The following CRYBB2 variants were observed in gnomAD, a reference collection of about 807,000 sequenced individuals.
The protein encoded by CRYBB2 is crystallin beta B2.
Under a neutral mutation model 24.3 loss-of-function variants are expected in CRYBB2, and 12 were observed. The observed-to-expected ratio is 0.49, with a 90% CI of 0.32 to 0.80. The LOEUF (loss-of-function observed/expected upper bound fraction) is 0.80. Among genes scored for constraint, CRYBB2 ranks in the 30% least tolerant of loss-of-function variants. CRYBB2 has a pLI of 0.04. For synonymous variants in CRYBB2, 98 were observed against 101.6 expected, an observed-to-expected ratio of 0.96 and a Z score of 0.21; for missense variants, 198 against 268.5, an observed-to-expected ratio of 0.74 and a Z score of 1.83.
At chr22:25,214,759 G>T (rs1935146042), upstream of CRYBB2, among the ~76,000 whole-genome samples, 1 of 152,206 alleles carries the variant, frequency 6.6e-6, no homozygotes, top group Admixed American at 6.5e-5. Flanking sequence ...GTGGGAAACT[G>T]AGGTAAGAGA....
At chr22:25,228,761 T>G (rs931185327) in intron 4 of CRYBB2, among the ~76,000 whole-genome samples, 1 of 152,236 alleles carries the variant, frequency 6.6e-6, no homozygotes, top group African/African-American at 2.4e-5. Context: ...AAGAGGATTT[T>G]ATGTCTGAGG....
intron 3 of CRYBB2, among the ~76,000 whole-genome samples, chr22:25,225,455 G>A (rs938080204): frequency 6.6e-6 from 1 of 152,130 alleles, no homozygotes; most frequent in African/African-American, 2.4e-5. Flanking sequence ...GAGGTTTAAG[G>A]CTGGATGTTC....
At chr22:25,217,977 A>C (rs1480277985), upstream of CRYBB2, among the ~76,000 whole-genome samples, 1 of 151,994 alleles carries the variant, frequency 6.6e-6, no homozygotes, top group Non-Finnish European at 1.5e-5. Flanking sequence ...ACATGAGTAA[A>C]GGCCGGGCGC....
At chr22:25,222,248 C>T (rs1027344975) in intron 2 of CRYBB2, among the ~76,000 whole-genome samples, 1 of 152,234 alleles carries the variant, frequency 6.6e-6, no homozygotes, top group East Asian at 1.9e-4. Flanking sequence ...CAGCCCCTCA[C>T]CTGCTCACCC....
At chr22:25,219,399 T>C (rs2146085734), upstream of CRYBB2, 1 of 152,404 alleles carries the variant, frequency 6.6e-6, no homozygotes, top group South Asian at 2.1e-4. Context: ...GGACGGCTGA[T>C]GCATGCAAAG....
At chr22:25,228,750 T>C (rs1935468777) in intron 4 of CRYBB2, among the ~76,000 whole-genome samples, 1 of 152,214 alleles carries the variant, frequency 6.6e-6, no homozygotes, top group South Asian at 2.1e-4. Flanking sequence ...CTAAATGGCA[T>C]AAGAGGATTT....
chr22:25,221,588 A>T, intron 2 of CRYBB2, 105 bp downstream of exon 2: 1 of 808,546 alleles, frequency 1.2e-6, no homozygotes, highest in Non-Finnish European at 2.1e-6. Flanking sequence ...CCCCCTCTCG[A>T]CCCCTGCCCC....
intron 2 of CRYBB2, among the ~76,000 whole-genome samples, chr22:25,222,027 C>A (rs1368381651): frequency 1.3e-5 from 2 of 152,234 alleles, no homozygotes; most frequent in Admixed American, 6.5e-5. Context: ...CCTTTGATTT[C>A]TCATCCACCT....
chr22:25,214,973 C>T (rs1222980152), upstream of CRYBB2, among the ~76,000 whole-genome samples: 2 of 152,276 alleles, frequency 1.3e-5, no homozygotes. Context: ...AAAACCCTGA[C>T]TGCTTCCTCA....
In CRYBB2 at chr22:25,231,598, C is replaced by T. The variant is rs372020060; in HGVS notation, c.450-6C>T. 1.9e-6 allele frequency: 3 copies of T among 1,614,004 alleles called. No homozygotes were observed. The highest frequency in any genetic ancestry group is 2.7e-5 in the African/African-American group (2 of 74,934). On this transcript the variant is annotated splice_polypyrimidine_tract_variant and splice_region_variant and intron_variant, in intron 5 of 5. Transcript: ENST00000398215. ...GTTCACCCTCCCATCACCTCTGGCC[C>T]TGCAGGTGGGTTGGCTACCAGTACC...
At chr22:25,218,176 G>C (rs78737830), upstream of CRYBB2, among the ~76,000 whole-genome samples, 5 of 151,896 alleles carry the variant, frequency 3.3e-5, no homozygotes, top group Admixed American at 2.0e-4. Context: ...GGAGAATGGT[G>C]TGAACACGGG....
chr22:25,213,487 G>T (rs999928007), intron 1 of CRYBB2: 1 of 152,220 alleles, frequency 6.6e-6, no homozygotes, highest in Non-Finnish European at 1.5e-5. Context: ...TGGTCAGCGG[G>T]GGGCTTTTCT....
upstream of CRYBB2, among the ~76,000 whole-genome samples, chr22:25,215,148 AGC>A (rs1312031969): frequency 6.6e-6 from 1 of 152,250 alleles, no homozygotes; most frequent in East Asian, 1.9e-4. Flanking sequence ...ACTGGCCATA[AGC>A]AAAATCTCTG....
upstream of CRYBB2, among the ~76,000 whole-genome samples, chr22:25,218,771 GAGAGAGAGAAGAAAGAAAGAAAGAAAGA>G (rs1935247341): frequency 5.7e-5 from 1 of 17,598 alleles, no homozygotes; most frequent in African/African-American, 3.1e-4. Context: ...GAGAGAGAGA[GAGAGAGAGAAGAAAGAAAGAAAGAAAGA>G]AAGAAAGAAA....
At chr22:25,214,173 T>TA (rs1275981944) in intron 1 of CRYBB2, among the ~76,000 whole-genome samples, 5 of 152,084 alleles carry the variant, frequency 3.3e-5, no homozygotes, top group Admixed American at 6.6e-5. Context: ...ACCCTATCCC[T>TA]AAAAAATTTT....
At chr22:25,217,118 A>G (rs567832795), upstream of CRYBB2, among the ~76,000 whole-genome samples, 22 of 151,428 alleles carry the variant, frequency 1.5e-4, no homozygotes, top group African/African-American at 5.3e-4. Context: ...CCTGCTTTCA[A>G]TTCTTTGGGG....
At chr22:25,225,902 C>A (rs1244903696) in intron 3 of CRYBB2, among the ~76,000 whole-genome samples, 1 of 152,184 alleles carries the variant, frequency 6.6e-6, no homozygotes, top group Non-Finnish European at 1.5e-5. Context: ...CCAAGAGAAT[C>A]CCTTTCTGGA....
upstream of CRYBB2, chr22:25,219,467 A>G (rs1371588251): frequency 3.3e-5 from 5 of 152,404 alleles, no homozygotes; most frequent in Admixed American, 2.0e-4. Flanking sequence ...CTGAAAGCTA[A>G]TGACATTATT....
At chr22:25,218,820 A>AAAAGAAAG (rs1569016436), upstream of CRYBB2, among the ~76,000 whole-genome samples, 1 of 91,088 alleles carries the variant, frequency 1.1e-5, no homozygotes, top group Non-Finnish European at 2.1e-5. Flanking sequence ...GAAAGAAAGA[A>AAAAGAAAG]AGAAAGAAAG....
Sources: gnomAD v4.1 joint callset for allele counts (sites outside exome capture counted in the v4.1 genomes callset) on GRCh38, gnomAD v4.1.1 for gene constraint, MANE v1.5 for transcripts, NCBI Gene and HGNC (gene_info 2026-07-23, HGNC 2026-07-21) for gene names.